The following SLC37A1 variants were observed in gnomAD, a reference collection of about 807,000 sequenced individuals.
SLC37A1 encodes solute carrier family 37 member 1.
SLC37A1 carries 49 observed loss-of-function variants against 75.3 expected under a neutral mutation model. The ratio of observed to expected loss-of-function variants is 0.65; its 90% CI spans 0.52 to 0.83. The LOEUF is 0.83. Among genes scored for constraint, SLC37A1 ranks in the 40% least tolerant of loss-of-function variants. The pLI is 0.00. For missense variants in SLC37A1, 566 were observed against 695.0 expected, an observed-to-expected ratio of 0.81 and a Z score of 2.09; for synonymous variants, 268 against 292.1, an observed-to-expected ratio of 0.92 and a Z score of 0.84.
chr21:42,526,417 G>A (rs993138230), intron 3 of SLC37A1, among the ~76,000 whole-genome samples: 7 of 152,236 alleles, frequency 4.6e-5, no homozygotes, highest in Admixed American at 6.5e-5. Flanking sequence ...CACCCGGCCT[G>A]TAGACCATCA....
rs565324499 is a variant in SLC37A1 at position 42,562,149 on chromosome 21, C to T, written c.1053C>T (p.Pro351=). Residue 351 remains proline (P), a synonymous_variant, in exon 12 of 20, where the codon CCC becomes CCT. Coordinates refer to ENST00000352133, the MANE Select transcript of SLC37A1 (RefSeq NM_001320537.2). ...GCTATACTTTCCTCTTCTGGCTGCC[C>T]CTGTACATCACGAATGTGGGTGAGT... The part of the protein sequence containing the change: ...LVSYTFLFWL[P]LYITNVDHLD... The T allele has an allele frequency of 8.6e-5, 139 of 1,614,168 alleles. No homozygotes were observed. The East Asian group carries it at 3.1e-3, about 36-fold the overall frequency.
intron 6 of SLC37A1, among the ~76,000 whole-genome samples, chr21:42,541,314 T>C (rs1208918875): frequency 5.1e-4 from 77 of 152,142 alleles, no homozygotes; most frequent in Non-Finnish European, 2.9e-5. Flanking sequence ...AGTCTGTGCC[T>C]GGGGTTGGGG....
intron 9 of SLC37A1, among the ~76,000 whole-genome samples, chr21:42,553,124 C>T (rs1035144924): frequency 3.3e-5 from 5 of 152,210 alleles, no homozygotes; most frequent in Admixed American, 1.3e-4. Flanking sequence ...CTGTCTTCCC[C>T]GTGTTTCCCG....
At chr21:42,558,423 C>T (rs1438616150) in intron 10 of SLC37A1, among the ~76,000 whole-genome samples, 2 of 152,260 alleles carry the variant, frequency 1.3e-5, no homozygotes, top group African/African-American at 2.4e-5. Context: ...TTCCACCACT[C>T]GCTGACAACC....
chr21:42,564,779 C>A lies in SLC37A1; in HGVS notation c.1207C>A (p.Leu403Ile). The A allele has an allele frequency of 6.2e-7, 1 of 1,606,422 alleles. No individual in the cohort carries two copies. The change falls in exon 14 of 20, where the codon CTC (leucine) becomes ATC (isoleucine). Residue 403 changes from leucine to isoleucine, a missense_variant. Leu to Ile is a conservative substitution (Grantham distance 5). Transcript: ENST00000352133. The part of the protein sequence containing the change: ...RASTCGLMLL[L>I]AAPTLYIFST... ...CTCCACCTGCGGCCTGATGCTGCTG[C>A]TCGCGGCCCCCACGGTCAGCCGTGC... is the stretch of plus-strand genomic sequence containing the variant.
At chr21:42,562,931 G>A (rs2055871223) in intron 12 of SLC37A1, among the ~76,000 whole-genome samples, 1 of 152,172 alleles carries the variant, frequency 6.6e-6, no homozygotes. Context: ...GGAGGCTGAG[G>A]AGCACAGACC....
At position 42,554,056 on chromosome 21, in the gene SLC37A1, TACCAGCAC is replaced by T; in HGVS notation, c.769-5_771del. ...ATCGCTCTAATGAAACTTTTTTTTT[TACCAGCAC>T]TCAAAAGGCTATGAGAATGGTACAA... On this transcript the variant is annotated splice_acceptor_variant and splice_polypyrimidine_tract_variant and coding_sequence_variant and intron_variant, in exon 10 of 20. Transcript: ENST00000352133. LOFTEE classifies it high-confidence loss of function. The T allele has an allele frequency of 1.2e-6, 2 of 1,602,496 alleles. No individual in the cohort carries two copies. Among genetic ancestry groups the T allele is most frequent in the Admixed American group, 1.7e-5 (1 of 57,836 alleles).
At chr21:42,525,330 G>T (rs1429347289) in intron 2 of SLC37A1, among the ~76,000 whole-genome samples, 1 of 152,258 alleles carries the variant, frequency 6.6e-6, no homozygotes, top group Non-Finnish European at 1.5e-5. Flanking sequence ...GTCACAACCT[G>T]GGGCTTGTTG....
intron 3 of SLC37A1, 185 bp downstream of exon 3, chr21:42,526,042 TG>T: frequency 1.8e-6 from 1 of 550,602 alleles, no homozygotes; most frequent in Non-Finnish European, 3.2e-6. Flanking sequence ...AAATGTTTTT[TG>T]GATTTATACT....
At chr21:42,522,660 T>C (rs1424906195) in intron 2 of SLC37A1, among the ~76,000 whole-genome samples, 1 of 152,242 alleles carries the variant, frequency 6.6e-6, no homozygotes, top group Non-Finnish European at 1.5e-5. Context: ...ACCAGCTAAA[T>C]AAATACAGCG....
At chr21:42,555,473 T>C (rs953791348) in intron 10 of SLC37A1, among the ~76,000 whole-genome samples, 1 of 152,234 alleles carries the variant, frequency 6.6e-6, no homozygotes, top group African/African-American at 2.4e-5. Context: ...GGCTGAAATA[T>C]TAGAAAAGGG....
chr21:42,529,042 G>C (rs1043132161), intron 3 of SLC37A1, among the ~76,000 whole-genome samples: 1 of 151,550 alleles, frequency 6.6e-6, no homozygotes, highest in African/African-American at 2.4e-5. Flanking sequence ...GAATGTCCAG[G>C]AATTATCAAG....
chr21:42,580,565 C>G lies in SLC37A1; in HGVS notation c.*205C>G, dbSNP rs1190824293. ...ATTGCTGAACAGCAGTGAGAAAAGTCTGCAGGAACTGCTGCCTGAGCCAAG... is the reference window on the plus strand; with the variant it reads ...ATTGCTGAACAGCAGTGAGAAAAGTGTGCAGGAACTGCTGCCTGAGCCAAG... On this transcript the variant is annotated 3_prime_UTR_variant, in exon 20 of 20. Transcript: ENST00000352133. 1.7e-6 allele frequency: 1 copy of G among 592,402 alleles called. No individual in the cohort carries two copies. Among genetic ancestry groups the G allele is most frequent in the African/African-American group, 1.9e-5 (1 of 52,654 alleles). 36.7% of individuals were successfully genotyped at this position (592,402 alleles called of 1,614,324 possible). A position where few individuals can be genotyped will look rare whatever the true frequency, so the allele number is the denominator to read the frequency against.
At chr21:42,551,077 A>T (rs1233825874) in intron 9 of SLC37A1, among the ~76,000 whole-genome samples, 5 of 152,262 alleles carry the variant, frequency 3.3e-5, no homozygotes, top group Non-Finnish European at 7.3e-5. Context: ...CAGTTAGGCA[A>T]GAAAAGGATA....
intron 10 of SLC37A1, 46 bp from the exon 11 acceptor site, chr21:42,558,912 G>A (rs369744848): frequency 5.5e-5 from 88 of 1,611,362 alleles, no homozygotes; most frequent in Non-Finnish European, 6.9e-5. Context: ...CAGACTGCCC[G>A]GCTGGTAACA....
rs767500155 is a variant in SLC37A1 at position 42,534,776 on chromosome 21, G to A, written c.217G>A (p.Ala73Thr). 22 of 1,613,848 alleles carry A rather than the reference G, an allele frequency of 1.4e-5. No homozygotes were observed. Among genetic ancestry groups the A allele is most frequent in the East Asian group, 6.7e-5 (3 of 44,884 alleles). ...CAGCCAGAACAGGAAGTCTGGGTCC[G>A]CTGCCCCCCACCAGCTCCCTGACAA... ...FSSQNRKSGS[A>T]APHQLPDNET... The change falls in exon 4 of 20, where the codon GCT becomes ACT. Residue 73 changes from alanine to threonine, a missense_variant. Transcript: ENST00000352133.
intron 17 of SLC37A1, 33 bp from the exon 18 acceptor site, chr21:42,574,785 C>T (rs370349859): frequency 6.2e-7 from 1 of 1,610,422 alleles, no homozygotes; most frequent in Non-Finnish European, 8.5e-7. Context: ...TTTCTCTAAA[C>T]AGCACCATGT....
chr21:42,539,891 G>A (rs1229807679), intron 6 of SLC37A1, among the ~76,000 whole-genome samples: 3 of 152,198 alleles, frequency 2.0e-5, no homozygotes, highest in African/African-American at 4.8e-5. Context: ...TCAGTGCCCC[G>A]GCAGGGAAAC....
intron 2 of SLC37A1, among the ~76,000 whole-genome samples, chr21:42,524,228 G>A (rs1202202869): frequency 6.6e-6 from 1 of 152,228 alleles, no homozygotes; most frequent in Non-Finnish European, 1.5e-5. Context: ...CTAGGACACA[G>A]AAGAGCTGCC....
Sources: gnomAD v4.1 joint callset for allele counts (sites outside exome capture counted in the v4.1 genomes callset) on GRCh38, gnomAD v4.1.1 for gene constraint, MANE v1.5 for transcripts, NCBI Gene and HGNC (gene_info 2026-07-23, HGNC 2026-07-21) for gene names.